Variants in NUP214 observed in about 807,000 individuals in gnomAD.
NUP214 encodes nucleoporin 214.
NUP214 carries 79 observed loss-of-function variants against 196.2 expected under a neutral mutation model. The ratio of observed to expected loss-of-function variants is 0.40; its 90% CI spans 0.34 to 0.49. The LOEUF is 0.49. Ranked by LOEUF, NUP214 falls within the 20% of genes least tolerant of loss-of-function variation. The probability of loss-of-function intolerance (pLI) is 0.58; values close to 1 mark genes in which losing one functional copy is unlikely to be tolerated. For synonymous variants in NUP214, 1,020 were observed against 990.5 expected (o/e 1.03, Z -0.56); for missense variants, 2,468 against 2,539.0 (o/e 0.97, Z 0.60).
In NUP214 at chr9:131,199,233, AG is replaced by A. The variant is rs543291500; in HGVS notation, c.5521+219del. Reference sequence around the variant, plus strand: ...TAATGCAGCTCCAGTTTTGCTTCTTAGCAAATTGTCCACTCTGCAAGCCACC... The same window carrying A: ...TAATGCAGCTCCAGTTTTGCTTCTTACAAATTGTCCACTCTGCAAGCCACC... On this transcript the variant is annotated intron_variant, in intron 29 of 35. Transcript: ENST00000359428. Among the ~76,000 whole-genome samples the A allele has an allele frequency of 1.5e-4, 23 of 152,342 alleles. No homozygotes were observed. The East Asian group carries it at 3.9e-3, about 26-fold the overall frequency.
intron 21 of NUP214, among the ~76,000 whole-genome samples, chr9:131,169,064 C>T (rs867486121): frequency 9.2e-5 from 11 of 120,202 alleles, no homozygotes; most frequent in Admixed American, 7.5e-4. Flanking sequence ...GACAGAATCT[C>T]GCTCTGTTGC....
Position 131,175,659 on chromosome 9 carries a change from T to G in NUP214, c.3319+38T>G, listed in dbSNP as rs760343196. ...GCCCCATACCTGTACAGAGGCTGAT[T>G]ATGAGCTGTCTGAGTCACAGGCCAG... On this transcript the variant is annotated intron_variant, in intron 23 of 35. Coordinates refer to ENST00000359428, the MANE Select transcript of NUP214 (RefSeq NM_005085.4). 2.9e-5 allele frequency: 47 copies of G among 1,598,002 alleles called. No homozygotes were observed. The East Asian group carries it at 9.2e-4, about 31-fold the overall frequency.
chr9:131,148,076 C>T (rs1001091716), intron 14 of NUP214, among the ~76,000 whole-genome samples: 1 of 152,164 alleles, frequency 6.6e-6, no homozygotes, highest in Non-Finnish European at 1.5e-5. Context: ...AGTCCCAGCT[C>T]CTGAGGAGGC....
chr9:131,213,269 G>A (rs775204442), intron 30 of NUP214, among the ~76,000 whole-genome samples: 63 of 151,134 alleles, frequency 4.2e-4, no homozygotes, highest in African/African-American at 2.9e-4. Context: ...TCTGCCTCCC[G>A]GGTTCAAGCG....
chr9:131,144,978 G>C (rs1832045667), intron 12 of NUP214, among the ~76,000 whole-genome samples: 1 of 152,030 alleles, frequency 6.6e-6, no homozygotes, highest in African/African-American at 2.4e-5. Context: ...TTTTGACTAT[G>C]GGATTTATAT....
chr9:131,130,137 G>GTTTTTTTTTTTTGTTTT (rs1831492300), intron 4 of NUP214, among the ~76,000 whole-genome samples: 1 of 76,930 alleles, frequency 1.3e-5, no homozygotes, highest in African/African-American at 5.0e-5. Flanking sequence ...TTCTGGTTTT[G>GTTTTTTTTTTTTGTTTT]TTTTTTTTTT....
At chr9:131,223,023 TAAG>T (rs1834605936) in intron 32 of NUP214, 93 bp downstream of exon 32, 2 of 1,258,988 alleles carry the variant, frequency 1.6e-6, no homozygotes, top group South Asian at 3.1e-5. Flanking sequence ...GTGGTTATCT[TAAG>T]AGAGTAGGAT....
chr9:131,181,265 G>A (rs1294455028), intron 24 of NUP214, among the ~76,000 whole-genome samples: 2 of 152,146 alleles, frequency 1.3e-5, no homozygotes, highest in Admixed American at 6.5e-5. Flanking sequence ...CTCTGGTGAC[G>A]AGAGTAGAGG....
At chr9:131,224,399 G>C (rs1246139841) in intron 32 of NUP214, among the ~76,000 whole-genome samples, 1 of 152,126 alleles carries the variant, frequency 6.6e-6, no homozygotes, top group Non-Finnish European at 1.5e-5. Flanking sequence ...TTTTTTTTAA[G>C]ACAGGTGGTC....
At chr9:131,127,803 A>G (rs1408927256) in intron 2 of NUP214, 84 bp downstream of exon 2, 3 of 1,010,724 alleles carry the variant, frequency 3.0e-6, no homozygotes, top group Non-Finnish European at 3.0e-6. Context: ...AGTCATTCTA[A>G]TACTAAAATG....
In NUP214 at chr9:131,210,330, T is replaced by TA. The variant is rs1834203478; in HGVS notation, c.5593-4875dup. On this transcript the variant is annotated intron_variant, in intron 30 of 35. Transcript: ENST00000359428. ...GAATCTCAGCAGAGAAATGGAAGCTTAAAAAAACCAATGGAAAGGCCGGGC... is the reference window on the plus strand; with the variant it reads ...GAATCTCAGCAGAGAAATGGAAGCTTAAAAAAAACCAATGGAAAGGCCGGGC... Among the ~76,000 whole-genome samples the TA allele has an allele frequency of 2.0e-5, 3 of 152,016 alleles. No homozygotes were observed. In the South Asian group the frequency reaches 6.2e-4, roughly 32 times the overall value.
chr9:131,206,363 C>G (rs1254967550), intron 30 of NUP214, among the ~76,000 whole-genome samples: 2 of 151,568 alleles, frequency 1.3e-5, no homozygotes, highest in Non-Finnish European at 2.9e-5. Context: ...CCAGGCTGGT[C>G]TTGAACTCCT....
intron 21 of NUP214, chr9:131,164,721 G>A (rs927661457): frequency 1.3e-4 from 19 of 151,542 alleles, no homozygotes; most frequent in African/African-American, 4.4e-4. Context: ...TATGAAAAAA[G>A]AAGAAAAAAA....
chr9:131,152,841 A>G (rs1832314887), intron 17 of NUP214, among the ~76,000 whole-genome samples: 1 of 151,788 alleles, frequency 6.6e-6, no homozygotes, highest in South Asian at 2.1e-4. Context: ...AAGTGGCACC[A>G]TCACAGCTCA....
intron 30 of NUP214, among the ~76,000 whole-genome samples, chr9:131,207,426 A>G (rs1367636656): frequency 6.6e-6 from 1 of 152,218 alleles, no homozygotes; most frequent in Non-Finnish European, 1.5e-5. Flanking sequence ...CTCAGACCTT[A>G]GCTGGAGCTG....
intron 25 of NUP214, among the ~76,000 whole-genome samples, 159 bp downstream of exon 25, chr9:131,187,523 A>G (rs1243196707): frequency 2.0e-5 from 3 of 150,112 alleles, no homozygotes; most frequent in Non-Finnish European, 4.4e-5. Context: ...AGTAGTTGGG[A>G]TTACAGGCAC....
rs1832233798 is a variant in NUP214, at chr9:131,150,772, G to A, written c.2277+7G>A. 6.2e-7 allele frequency: 1 copy of A among 1,600,390 alleles called. No homozygotes were observed. ...GATTAAAGAGACCACAGAGGTTTGT[G>A]TTTATGGATACTTTTCCTGAGTTGA... On this transcript the variant is annotated splice_region_variant and intron_variant, in intron 16 of 35. Coordinates refer to ENST00000359428, the MANE Select transcript of NUP214 (RefSeq NM_005085.4).
chr9:131,148,907 TTTTTC>T (rs1413598068), intron 14 of NUP214, among the ~76,000 whole-genome samples: 1 of 152,190 alleles, frequency 6.6e-6, no homozygotes, highest in Non-Finnish European at 1.5e-5. Flanking sequence ...GTATATCAGT[TTTTTC>T]TTTTATGATT....
intron 24 of NUP214, among the ~76,000 whole-genome samples, chr9:131,180,032 C>G (rs1177687895): frequency 6.6e-6 from 1 of 152,198 alleles, no homozygotes; most frequent in South Asian, 2.1e-4. Context: ...GTATGAGAAG[C>G]ACCTTTTGGA....
Sources: gnomAD v4.1 joint callset for allele counts (sites outside exome capture counted in the v4.1 genomes callset) on GRCh38, gnomAD v4.1.1 for gene constraint, MANE v1.5 for transcripts, NCBI Gene and HGNC (gene_info 2026-07-23, HGNC 2026-07-21) for gene names.